Variants in LDB3 observed in about 807,000 individuals in gnomAD.
LDB3 encodes LIM domain-binding protein 3.
Under a neutral mutation model 69.0 loss-of-function variants are expected in LDB3, and 49 were observed. That is an observed-to-expected ratio of 0.71 (90% CI 0.56 to 0.90). The LOEUF (loss-of-function observed/expected upper bound fraction) is 0.90, where lower values mean the gene tolerates loss of function less well. Among genes scored for constraint, LDB3 ranks in the 40% least tolerant of loss-of-function variants. LDB3 has a pLI of 0.00. For synonymous variants in LDB3, 387 were observed against 396.2 expected, an observed-to-expected ratio of 0.98 and a Z score of 0.28; for missense variants, 928 against 974.1, an observed-to-expected ratio of 0.95 and a Z score of 0.63.
chr10:86,684,601 C>A (rs980954493), intron 5 of LDB3, among the ~76,000 whole-genome samples: 1 of 152,224 alleles, frequency 6.6e-6, no homozygotes, highest in African/African-American at 2.4e-5. Flanking sequence ...GAGGCAGTGG[C>A]GGGCCTGGGG....
intron 9 of LDB3, among the ~76,000 whole-genome samples, chr10:86,711,108 G>A (rs1407593824): frequency 6.6e-6 from 1 of 152,240 alleles, no homozygotes; most frequent in Admixed American, 6.5e-5. Flanking sequence ...CAGAGACTGG[G>A]AACACAGGGA....
In LDB3 at chr10:86,728,388, C is replaced by T. The variant is rs1847334709; in HGVS notation, c.2094+2136C>T. On this transcript the variant is annotated intron_variant, in intron 13 of 13. Coordinates refer to ENST00000361373, the MANE Select transcript of LDB3 (RefSeq NM_007078.3). ...CAACAGCAAAAGTCCAAGAGAGAGA[C>T]CAGAAGAAGGCGTAAAGCTTGGGGT... Among the ~76,000 whole-genome samples, 9 of 152,182 alleles carry T rather than the reference C, an allele frequency of 5.9e-5. No homozygotes were observed. In the South Asian group the frequency reaches 1.9e-3, roughly 32 times the overall value.
chr10:86,695,171 A>T (rs1296846937), intron 7 of LDB3, among the ~76,000 whole-genome samples: 1 of 152,228 alleles, frequency 6.6e-6, no homozygotes, highest in Non-Finnish European at 1.5e-5. Flanking sequence ...GTGGTGAGAA[A>T]GTTAGCGGGA....
Position 86,718,793 on chromosome 10 carries a change from C to G in LDB3, c.1924C>G (p.Pro642Ala), listed in dbSNP as rs1432218523. Residue 642 changes from proline to alanine, a missense_variant, in exon 12 of 14, where the codon CCT becomes GCT. By Grantham distance (27) the Pro-to-Ala change is conservative. Coordinates refer to ENST00000361373, the MANE Select transcript of LDB3 (RefSeq NM_007078.3). ...TCFVCAACKK[P>A]FGNSLFHMED... is the part of the protein sequence containing the mutation. Reference sequence around the variant, plus strand: ...CTTCGTCTGTGCGGCCTGCAAGAAGCCTTTTGGGAACAGCCTCTTCCACAT... The same window carrying G: ...CTTCGTCTGTGCGGCCTGCAAGAAGGCTTTTGGGAACAGCCTCTTCCACAT... 6.2e-7 allele frequency: 1 copy of G among 1,614,030 alleles called. No individual in the cohort carries two copies. Among genetic ancestry groups the G allele is most frequent in the Non-Finnish European group, 8.5e-7 (1 of 1,180,036 alleles).
At chr10:86,730,828 G>A (rs973507491) in intron 13 of LDB3, among the ~76,000 whole-genome samples, 3 of 152,196 alleles carry the variant, frequency 2.0e-5, no homozygotes, top group Admixed American at 6.5e-5. Flanking sequence ...TCCAGCCTCA[G>A]ACTATATGTT....
chr10:86,712,782 CG>C (rs1436008313), intron 9 of LDB3, among the ~76,000 whole-genome samples: 1 of 152,132 alleles, frequency 6.6e-6, no homozygotes, highest in Non-Finnish European at 1.5e-5. Flanking sequence ...GATATCAGGC[CG>C]GACGCAGTGG....
intron 9 of LDB3, among the ~76,000 whole-genome samples, chr10:86,711,560 C>T (rs982201965): frequency 6.6e-6 from 1 of 152,090 alleles, no homozygotes; most frequent in African/African-American, 2.4e-5. Flanking sequence ...CCCGAGCCCC[C>T]CTCCGCTCCC....
intron 3 of LDB3, 100 bp from the exon 4 acceptor site, chr10:86,679,981 CT>C: frequency 9.7e-7 from 1 of 1,028,868 alleles, no homozygotes; most frequent in Non-Finnish European, 1.5e-6. Context: ...TGAGAGCTGA[CT>C]CTGGCTCTCT....
intron 5 of LDB3, among the ~76,000 whole-genome samples, chr10:86,683,294 A>T (rs12244569): frequency 0.13 from 20,381 of 151,936 alleles, 1,554 homozygotes; most frequent in African/African-American, 0.21. Flanking sequence ...TCTCAGCAAC[A>T]CTCTCTAAAA....
chr10:86,669,150 A>G (rs1438956729), intron 2 of LDB3, among the ~76,000 whole-genome samples: 2 of 152,084 alleles, frequency 1.3e-5, no homozygotes, highest in Non-Finnish European at 2.9e-5. Flanking sequence ...GCATTTCCCT[A>G]GATATGGGCA....
rs993400332 is a variant in LDB3, at chr10:86,699,479, ACT to A, written c.896+6911_896+6912del. ...CCACGGTGATGCTTGACAATGTATA[ACT>A]CTGCTGGGGGCACCTCTGATGGCCA... On this transcript the variant is annotated intron_variant, in intron 7 of 13. Transcript: ENST00000361373. This position sits in a 1 kb window ranked among gnomAD's most constrained non-coding sequence, Gnocchi z 4.9. 1.3e-6 allele frequency: 2 copies of A among 1,579,230 alleles called. No individual in the cohort carries two copies. Among genetic ancestry groups the A allele is most frequent in the African/African-American group, 2.7e-5 (2 of 74,068 alleles).
chr10:86,679,343 C>T (rs1302979927), intron 2 of LDB3, 24 bp from the exon 3 acceptor site: 1 of 1,613,938 alleles, frequency 6.2e-7, no homozygotes, highest in Non-Finnish European at 8.5e-7. Context: ...TTATGCTCAC[C>T]CCCCACCTCC....
At chr10:86,684,940 G>C (rs576958572) in intron 5 of LDB3, among the ~76,000 whole-genome samples, 4 of 152,332 alleles carry the variant, frequency 2.6e-5, no homozygotes, top group African/African-American at 9.6e-5. Context: ...GTCAGAGTGA[G>C]AGGAAGGGGC....
chr10:86,722,046 C>T (rs929348861), intron 12 of LDB3, among the ~76,000 whole-genome samples: 2 of 152,192 alleles, frequency 1.3e-5, no homozygotes, highest in African/African-American at 2.4e-5. Context: ...AGACTTTGTT[C>T]GGTACCAGCA....
chr10:86,696,530 C>T (rs1455625244), intron 7 of LDB3, among the ~76,000 whole-genome samples: 1 of 152,156 alleles, frequency 6.6e-6, no homozygotes, highest in African/African-American at 2.4e-5. Context: ...TTTTAAACAG[C>T]TTCAAGTAGA....
intron 13 of LDB3, among the ~76,000 whole-genome samples, chr10:86,727,345 C>G (rs1847290421): frequency 7.0e-6 from 1 of 142,496 alleles, no homozygotes; most frequent in Non-Finnish European, 1.6e-5. Context: ...TAAGACACCT[C>G]TACTATTTTT....
In LDB3 at chr10:86,716,434, C is replaced by A; in HGVS notation, c.1339C>A (p.Pro447Thr). 6.3e-7 allele frequency: 1 copy of A among 1,578,186 alleles called. No individual in the cohort carries two copies. The highest frequency in any genetic ancestry group is 8.6e-7 in the Non-Finnish European group (1 of 1,161,588). Residue 447 changes from proline to threonine, a missense_variant, in exon 10 of 14, where the codon CCC becomes ACC. Physicochemically the swap from Pro to Thr is conservative, Grantham distance 38. Transcript: ENST00000361373. ...CCCCTCCCCTGCCCCTGCCTACACC[C>A]CCTCACCTGTCCCCACCTACACTCC... ...YTPSPAPAYT[P>T]SPVPTYTPSP...
intron 13 of LDB3, among the ~76,000 whole-genome samples, chr10:86,727,529 A>G (rs117283821): frequency 1.9e-3 from 286 of 152,322 alleles, no homozygotes; most frequent in Non-Finnish European, 3.5e-3. Flanking sequence ...TGTGGGACAC[A>G]CTGTATTCAC....
intron 2 of LDB3, among the ~76,000 whole-genome samples, chr10:86,669,994 G>A (rs147503158): frequency 0.035 from 5,338 of 151,982 alleles, 136 homozygotes; most frequent in Middle Eastern, 0.061. Context: ...CCTGGGCAGC[G>A]GGTCAGGAGC....
Sources: gnomAD v4.1 joint callset for allele counts (sites outside exome capture counted in the v4.1 genomes callset) on GRCh38, gnomAD v4.1.1 for gene constraint, Gnocchi (gnomAD v3.1) non-coding constraint, MANE v1.5 for transcripts, NCBI Gene and HGNC (gene_info 2026-07-23, HGNC 2026-07-21) for gene names.